Variants in DNAH14 observed in about 807,000 individuals in gnomAD.
DNAH14 encodes dynein axonemal heavy chain 14.
A neutral mutation model predicts 520.9 loss-of-function variants in DNAH14; 478 were observed. The ratio of observed to expected loss-of-function variants is 0.92; its 90% confidence interval spans 0.85 to 0.99. The LOEUF is 0.99. DNAH14 is among the 50% of genes least tolerant of loss of function. The probability of loss-of-function intolerance (pLI) is 0.00; values close to 1 mark genes in which losing one functional copy is unlikely to be tolerated. For missense variants in DNAH14, 4,831 were observed against 5,234.5 expected, an observed-to-expected ratio of 0.92 and a Z score of 2.38; for synonymous variants, 1,581 against 1,757.2, an observed-to-expected ratio of 0.90 and a Z score of 2.51.
At chr1:225,289,298 T>C (rs1222247296) in intron 54 of DNAH14, among the ~76,000 whole-genome samples, 1 of 152,154 alleles carries the variant, frequency 6.6e-6, no homozygotes, top group Non-Finnish European at 1.5e-5. Flanking sequence ...TGGATGGTGA[T>C]TGACTGCCAG....
chr1:224,953,807 G>A (rs777791095), intron 2 of DNAH14, among the ~76,000 whole-genome samples: 31 of 152,232 alleles, frequency 2.0e-4, no homozygotes, highest in Non-Finnish European at 1.8e-4. Flanking sequence ...AAAGACTTAT[G>A]TATTAATTAA....
At chr1:225,102,474 C>T (rs1186333858) in intron 23 of DNAH14, among the ~76,000 whole-genome samples, 1 of 152,216 alleles carries the variant, frequency 6.6e-6, no homozygotes, top group Non-Finnish European at 1.5e-5. Context: ...ACACTGACTT[C>T]TACAATGGCT....
At chr1:225,363,954 T>C (rs1258987808) in intron 75 of DNAH14, among the ~76,000 whole-genome samples, 1 of 152,186 alleles carries the variant, frequency 6.6e-6, no homozygotes, top group Non-Finnish European at 1.5e-5. Context: ...ATATTTTCAA[T>C]GTGAGGCTGG....
At position 225,336,046 on chromosome 1, in the gene DNAH14, C is replaced by CATATATATGTATATATGCATATATATGT. The variant is rs11281928; in HGVS notation, c.10081-1213_10081-1212insTGTATATATGCATATATATGTATATATA. Among the ~76,000 whole-genome samples, 196 of 141,586 alleles carry CATATATATGTATATATGCATATATATGT rather than the reference C, an allele frequency of 1.4e-3. 1 individual carries two copies. The highest frequency in any genetic ancestry group is 4.9e-3 in the African/African-American group (191 of 38,682). The allele number at this position is 141,586 out of a possible 152,430, so 92.9% of individuals were successfully genotyped here. On this transcript the variant is annotated intron_variant, in intron 66 of 85. Transcript: ENST00000682510. ...ATATATGTATATACACACATATATG[C>CATATATATGTATATATGCATATATATGT]ATATATACATATATGTATACATACA...
At chr1:225,341,205 A>T (rs2095172187) in intron 69 of DNAH14, among the ~76,000 whole-genome samples, 1 of 152,082 alleles carries the variant, frequency 6.6e-6, no homozygotes, top group Admixed American at 6.6e-5. Flanking sequence ...CCTGGATTCC[A>T]GCAATTCTCC....
intron 55 of DNAH14, among the ~76,000 whole-genome samples, chr1:225,299,650 G>A (rs1366093593): frequency 1.3e-5 from 2 of 152,084 alleles, no homozygotes; most frequent in African/African-American, 4.8e-5. Context: ...AATCATTTCA[G>A]GCCAAAGCTG....
At chr1:225,393,261 A>G (rs1351163872) in intron 84 of DNAH14, among the ~76,000 whole-genome samples, 3 of 152,352 alleles carry the variant, frequency 2.0e-5, no homozygotes, top group Admixed American at 2.0e-4. Flanking sequence ...TAATAAATAA[A>G]TAAGTACAAT....
At chr1:225,353,101 A>G (rs2095389504) in intron 72 of DNAH14, among the ~76,000 whole-genome samples, 1 of 152,094 alleles carries the variant, frequency 6.6e-6, no homozygotes, top group Non-Finnish European at 1.5e-5. Flanking sequence ...CAACACATCA[A>G]TATTATCTGC....
At chr1:224,950,164 A>G (rs2060082311) in intron 1 of DNAH14, among the ~76,000 whole-genome samples, 1 of 152,148 alleles carries the variant, frequency 6.6e-6, no homozygotes, top group Admixed American at 6.5e-5. Flanking sequence ...AAGTATAGAA[A>G]TAAAATTTTG....
rs773038429 is a variant in DNAH14, at chr1:225,204,283, A to G, written c.5977+10A>G. ...ATTCCAGAAAATCACAGTAAGTGTT[A>G]CTAAATTCAAGAAAGATTATTAATA... On this transcript the variant is annotated intron_variant, in intron 39 of 85. Transcript: ENST00000682510. 2.8e-5 allele frequency: 39 copies of G among 1,392,766 alleles called. No homozygotes were observed. The Middle Eastern group carries it at 5.3e-4, about 19-fold the overall frequency. The allele number at this position is 1,392,766 out of a possible 1,614,324, so 86.3% of individuals were successfully genotyped here.
chr1:225,022,744 A>G (rs887937879), intron 10 of DNAH14, among the ~76,000 whole-genome samples: 13 of 152,226 alleles, frequency 8.5e-5, no homozygotes, highest in African/African-American at 3.1e-4. Flanking sequence ...TCTACTGGAT[A>G]TATACCCAAA....
At chr1:224,938,682 A>C (rs1286629471) in intron 1 of DNAH14, among the ~76,000 whole-genome samples, 1 of 152,240 alleles carries the variant, frequency 6.6e-6, no homozygotes, top group Non-Finnish European at 1.5e-5. Context: ...CAGCAATTCC[A>C]CTACTGATTA....
At chr1:225,390,395 T>C (rs75242909) in intron 83 of DNAH14, among the ~76,000 whole-genome samples, 3,127 of 152,054 alleles carry the variant, frequency 0.021, 129 homozygotes, top group African/African-American at 0.072. Flanking sequence ...AAGAGAGTTG[T>C]AAAGGGGTGA....
chr1:225,182,661 TGAGAG>T (rs2084179318), intron 36 of DNAH14, among the ~76,000 whole-genome samples: 1 of 151,980 alleles, frequency 6.6e-6, no homozygotes. Context: ...TCTGTCCACT[TGAGAG>T]AGGGAGAGGA....
intron 56 of DNAH14, 103 bp from the exon 57 acceptor site, chr1:225,303,053 C>A: frequency 1.1e-6 from 1 of 922,806 alleles, no homozygotes; most frequent in Non-Finnish European, 1.6e-6. Flanking sequence ...GATCTACCCA[C>A]TAAGGAAAGA....
At chr1:225,190,886 C>T (rs1200348298) in intron 37 of DNAH14, among the ~76,000 whole-genome samples, 1 of 151,900 alleles carries the variant, frequency 6.6e-6, no homozygotes, top group African/African-American at 2.4e-5. Context: ...GTTGTGGCAG[C>T]CCTAGCAAAC....
At chr1:225,318,495 T>A in intron 60 of DNAH14, 88 bp from the exon 61 acceptor site, 1 of 1,171,384 alleles carries the variant, frequency 8.5e-7, no homozygotes, top group East Asian at 2.6e-5. Context: ...AAATATCAAA[T>A]TATATTTTCC....
At chr1:225,062,064 C>T (rs1051085319) in intron 17 of DNAH14, among the ~76,000 whole-genome samples, 8 of 61,760 alleles carry the variant, frequency 1.3e-4, no homozygotes, top group Non-Finnish European at 4.7e-4. Flanking sequence ...TTTGGGAGGC[C>T]GAGGCGGATG....
chr1:225,204,143 A>T (rs781684957), intron 38 of DNAH14, 40 bp from the exon 39 acceptor site: 44 of 1,080,722 alleles, frequency 4.1e-5, no homozygotes, highest in Non-Finnish European at 5.4e-5. Context: ...GAAAAGTGTT[A>T]TTAAATAAAA....
Sources: allele counts gnomAD v4.1 joint callset (sites outside exome capture counted in the v4.1 genomes callset), GRCh38; gene constraint gnomAD v4.1.1; transcripts MANE v1.5; gene names NCBI Gene and HGNC (gene_info 2026-07-23, HGNC 2026-07-21).